ATP13A5: variants seen among roughly 807,000 people sequenced by gnomAD.
ATP13A5 encodes the protein ATPase 13A5, also known as probable cation-transporting ATPase 13A5.
In ATP13A5, 149 loss-of-function variants were observed where a neutral mutation model predicts 150.2. The observed-to-expected ratio is 0.99, with a 90% CI of 0.87 to 1.14. The LOEUF is 1.14. ATP13A5 is among the 50% of genes most tolerant of loss of function. The pLI is 0.00. For synonymous variants in ATP13A5, 497 were observed against 522.2 expected, an observed-to-expected ratio of 0.95 and a Z score of 0.66; for missense variants, 1,383 against 1,449.3, an observed-to-expected ratio of 0.95 and a Z score of 0.74.
intron 1 of ATP13A5, among the ~76,000 whole-genome samples, chr3:193,371,514 G>A (rs1054751834): frequency 5.9e-5 from 9 of 152,200 alleles, no homozygotes; most frequent in African/African-American, 2.2e-4. Flanking sequence ...TAAACTCAAG[G>A]CGTCACCTGA....
Position 193,331,322 on chromosome 3 carries a change from A to T in ATP13A5, c.1273-11T>A. The T allele has an allele frequency of 6.2e-7, 1 of 1,609,910 alleles. No individual in the cohort carries two copies. The highest frequency in any genetic ancestry group is 8.5e-7 in the Non-Finnish European group (1 of 1,178,672). On this transcript the variant is annotated splice_polypyrimidine_tract_variant and intron_variant, in intron 11 of 29. Transcript: ENST00000342358. ...ATCTTTTGGAGGAACCTGGGAGAGG[A>T]CAGACATTTTCATACAGGATAGCCC...
chr3:193,330,086 C>T (rs73888264), intron 12 of ATP13A5, among the ~76,000 whole-genome samples: 7,050 of 152,228 alleles, frequency 0.046, 493 homozygotes, highest in African/African-American at 0.15. Flanking sequence ...CTCTGTTCCC[C>T]ACATGCAGTG....
At position 193,288,431 on chromosome 3, in the gene ATP13A5, A is replaced by C. The variant is rs559307314; in HGVS notation, c.3023+1454T>G. Among the ~76,000 whole-genome samples, 356 of 152,284 alleles carry C rather than the reference A, an allele frequency of 2.3e-3. 15 individuals carry two copies. In the South Asian group the frequency reaches 0.07, roughly 30 times the overall value. ...ACAACCACTACCTTGATCAGTCAGC[A>C]GCCGCTCAGCTTGAGGTAAAGGCTC... On this transcript the variant is annotated intron_variant, in intron 26 of 29. Transcript: ENST00000342358.
chr3:193,372,815 C>A (rs1363175270), intron 1 of ATP13A5, among the ~76,000 whole-genome samples: 1 of 152,208 alleles, frequency 6.6e-6, no homozygotes, highest in Non-Finnish European at 1.5e-5. Context: ...TTGCATCTTG[C>A]CAATTTCTCA....
At chr3:193,344,537 C>G (rs1712252345) in intron 8 of ATP13A5, among the ~76,000 whole-genome samples, 1 of 152,184 alleles carries the variant, frequency 6.6e-6, no homozygotes, top group African/African-American at 2.4e-5. Context: ...GTCCAGACAG[C>G]TATCTAAAAG....
chr3:193,347,524 CT>C (rs1553820269), intron 7 of ATP13A5, among the ~76,000 whole-genome samples: 3 of 145,384 alleles, frequency 2.1e-5, no homozygotes, highest in Non-Finnish European at 1.5e-5. Context: ...CCTTAGATTT[CT>C]TTTTTTTTTG....
intron 1 of ATP13A5, among the ~76,000 whole-genome samples, chr3:193,369,814 G>A (rs1713380535): frequency 6.6e-6 from 1 of 152,104 alleles, no homozygotes; most frequent in Admixed American, 6.6e-5. Flanking sequence ...CTGTACTTAG[G>A]GGAATATTAA....
chr3:193,331,279 C>A lies in ATP13A5; in HGVS notation c.1305G>T (p.Leu435=). The change falls in exon 12 of 30, where the codon CTG becomes CTT. Residue 435 remains leucine (L), a synonymous_variant. Coordinates refer to ENST00000342358, the MANE Select transcript of ATP13A5 (RefSeq NM_198505.4). Reference sequence around the variant, plus strand: ...GAGGGACAGTCACGGTGAGGAGGATCAGGGCCATGGTCACAGTATCTTTTG... The same window carrying A: ...GAGGGACAGTCACGGTGAGGAGGATAAGGGCCATGGTCACAGTATCTTTTG... ...VPPKDTVTMA[L]ILLTVTVPPV... 6.2e-7 allele frequency: 1 copy of A among 1,613,834 alleles called. No homozygotes were observed. The highest frequency in any genetic ancestry group is 1.1e-5 in the South Asian group (1 of 91,052).
chr3:193,353,346 A>C (rs1712641731), intron 6 of ATP13A5, among the ~76,000 whole-genome samples: 1 of 152,160 alleles, frequency 6.6e-6, no homozygotes, highest in Non-Finnish European at 1.5e-5. Context: ...CACACAAGGA[A>C]AATATTTTTA....
intron 6 of ATP13A5, among the ~76,000 whole-genome samples, chr3:193,353,583 G>A (rs993973015): frequency 6.6e-6 from 1 of 152,106 alleles, no homozygotes; most frequent in African/African-American, 2.4e-5. Flanking sequence ...GGGTCCCTTG[G>A]GAGGCAATTA....
At chr3:193,298,122 T>A (rs1398573706) in intron 25 of ATP13A5, among the ~76,000 whole-genome samples, 2 of 152,084 alleles carry the variant, frequency 1.3e-5, no homozygotes, top group Non-Finnish European at 2.9e-5. Flanking sequence ...CAGGCCACAA[T>A]AGCCATGGCC....
At chr3:193,317,479 T>C (rs1482287946) in intron 17 of ATP13A5, among the ~76,000 whole-genome samples, 1 of 152,230 alleles carries the variant, frequency 6.6e-6, no homozygotes, top group African/African-American at 2.4e-5. Context: ...CAATACAGAT[T>C]TGCTAAACTG....
chr3:193,341,659 T>C (rs777559620), intron 9 of ATP13A5, among the ~76,000 whole-genome samples: 1 of 152,144 alleles, frequency 6.6e-6, no homozygotes, highest in Non-Finnish European at 1.5e-5. Context: ...TTGCACATCT[T>C]AGGACAGTCA....
At chr3:193,331,352 C>A (rs756474196) in intron 11 of ATP13A5, 41 bp from the exon 12 acceptor site, 1 of 1,559,770 alleles carries the variant, frequency 6.4e-7, no homozygotes, top group East Asian at 2.3e-5. Flanking sequence ...TAGCCCAGCA[C>A]AGCAGACTGC....
In ATP13A5 at chr3:193,276,731, A is replaced by C; in HGVS notation, c.3396+19T>G. The C allele has an allele frequency of 6.5e-7, 1 of 1,540,806 alleles. No homozygotes were observed. The highest frequency in any genetic ancestry group is 8.9e-7 in the Non-Finnish European group (1 of 1,126,018). ...TTAATTTGTTTATCTTCCTAGAAAA[A>C]ATATAGAGATTACTTTACCTCTACA... On this transcript the variant is annotated intron_variant, in intron 29 of 29. Coordinates refer to ENST00000342358, the MANE Select transcript of ATP13A5 (RefSeq NM_198505.4).
At chr3:193,363,911 C>T (rs139670019) in intron 2 of ATP13A5, among the ~76,000 whole-genome samples, 196 bp downstream of exon 2, 1 of 152,240 alleles carries the variant, frequency 6.6e-6, no homozygotes, top group East Asian at 1.9e-4. Flanking sequence ...CTCTTCCTTC[C>T]TGGGTCAAAA....
chr3:193,282,732 A>G (rs1432488337), intron 27 of ATP13A5, among the ~76,000 whole-genome samples: 1 of 152,222 alleles, frequency 6.6e-6, no homozygotes, highest in Non-Finnish European at 1.5e-5. Flanking sequence ...AAAACAACGA[A>G]TATTTGCTAA....
chr3:193,354,693 T>C (rs1712708747), intron 5 of ATP13A5, among the ~76,000 whole-genome samples: 1 of 152,076 alleles, frequency 6.6e-6, no homozygotes, highest in Non-Finnish European at 1.5e-5. Context: ...CTGGAAGATA[T>C]GGCCTTCATG....
chr3:193,305,529 G>A (rs367599576), intron 23 of ATP13A5, 30 bp downstream of exon 23: 3 of 1,544,188 alleles, frequency 1.9e-6, no homozygotes, highest in Non-Finnish European at 2.7e-6. Flanking sequence ...CCCATTGATT[G>A]TAGGGCTGGA....
Sources: allele counts gnomAD v4.1 joint callset (sites outside exome capture counted in the v4.1 genomes callset), GRCh38; gene constraint gnomAD v4.1.1; transcripts MANE v1.5; gene names NCBI Gene and HGNC (gene_info 2026-07-23, HGNC 2026-07-21).